ANK1: variants seen among roughly 807,000 people sequenced by gnomAD.
ANK1 encodes ankyrin-1.
In ANK1, 51 loss-of-function variants were observed where a neutral mutation model predicts 210.4. The observed-to-expected ratio is 0.24, with a 90% CI of 0.19 to 0.31. The LOEUF is 0.31. Ranked by LOEUF, ANK1 falls within the 10% of genes least tolerant of loss-of-function variation. ANK1 has a pLI of 1.00. For missense variants in ANK1, 2,051 were observed against 2,504.4 expected (o/e 0.82, Z 3.86); for synonymous variants, 967 against 1,025.9 (o/e 0.94, Z 1.10).
chr8:41,684,776 T>A (rs779149978), intron 36 of ANK1, 86 bp from the exon 37 acceptor site: 2 of 1,521,960 alleles, frequency 1.3e-6, no homozygotes, highest in Non-Finnish European at 1.8e-6. Flanking sequence ...AGGATGAAGA[T>A]GGAGAAAGGA....
At chr8:41,896,589 C>G (rs1820568872) in exon 1 of ANK1, 3 of 1,363,870 alleles carry the variant, frequency 2.2e-6, no homozygotes, top group South Asian at 1.6e-5. Context: ...ACAGAGGGGA[C>G]AGCGTTCGTG....
rs1818862446 is a variant in ANK1 at position 41,690,155 on chromosome 8, C to T, written c.4104+72G>A. The T allele has an allele frequency of 2.5e-6, 4 of 1,607,328 alleles. No homozygotes were observed. The East Asian group carries it at 8.9e-5, about 36-fold the overall frequency. On this transcript the variant is annotated intron_variant, in intron 33 of 42. Transcript: ENST00000289734. The stretch of plus-strand genomic sequence containing the variant: ...AAGAAGCCCCTTGGAAGTGCTGGAC[C>T]TGGGGTCTGTTTGGGGACCTCCTAC...
intron 1 of ANK1, among the ~76,000 whole-genome samples, chr8:41,882,596 C>T (rs971570261): frequency 2.6e-5 from 4 of 152,188 alleles, no homozygotes; most frequent in Admixed American, 1.3e-4. Context: ...CTGAGAATCC[C>T]GAGTCCTTGG....
intron 1 of ANK1, among the ~76,000 whole-genome samples, chr8:41,846,128 G>A (rs1225797053): frequency 1.3e-5 from 2 of 152,220 alleles, no homozygotes; most frequent in Admixed American, 1.3e-4. Flanking sequence ...CAGGGTCTAT[G>A]ATTGGACAAA....
rs548335102 is a variant in ANK1, at chr8:41,743,914, G to A, written c.130-9845C>T. On this transcript the variant is annotated intron_variant, in intron 2 of 42. Coordinates refer to ENST00000289734, the MANE Select transcript of ANK1 (RefSeq NM_000037.4). ...GACAACCCGGAGCAATGGGCTCATCGGGGGCTGGACCCTGGTGTCTAAGTG... is the reference window on the plus strand; with the variant it reads ...GACAACCCGGAGCAATGGGCTCATCAGGGGCTGGACCCTGGTGTCTAAGTG... Among the ~76,000 whole-genome samples the A allele has an allele frequency of 3.7e-3, 562 of 152,252 alleles. 2 individuals are homozygous for A. The highest frequency in any genetic ancestry group is 0.012 in the African/African-American group (513 of 41,540).
intron 1 of ANK1, among the ~76,000 whole-genome samples, chr8:41,889,312 A>G (rs1435345655): frequency 6.6e-6 from 1 of 152,240 alleles, no homozygotes; most frequent in East Asian, 1.9e-4. Flanking sequence ...TTATCAACCT[A>G]TTGGGCGACA....
rs1191635752 is a variant in ANK1, at chr8:41,698,101, G to C, written c.2579C>G (p.Pro860Arg). ...CTCAGGCATGGCACAGGGAATCCTG[G>C]GGATGGCTGGAGATTCCACCCTGCG... ...LDQVVESPAI[P>R]RIPCAMPETV... The change falls in exon 24 of 43, where the codon CCC (proline) becomes CGC (arginine). Residue 860 changes from proline (P) to arginine (R), a missense_variant. Coordinates refer to ENST00000289734, the MANE Select transcript of ANK1 (RefSeq NM_000037.4). 6.2e-7 allele frequency: 1 copy of C among 1,614,052 alleles called. No individual in the cohort carries two copies. The highest frequency in any genetic ancestry group is 1.1e-5 in the South Asian group (1 of 91,082).
intron 1 of ANK1, among the ~76,000 whole-genome samples, chr8:41,760,994 GA>G (rs886894056): frequency 6.6e-6 from 1 of 151,274 alleles, no homozygotes; most frequent in Non-Finnish European, 1.5e-5. Context: ...GACCTTATTT[GA>G]AAAAAAAGTC....
At chr8:41,769,327 C>T (rs1036385708) in intron 1 of ANK1, among the ~76,000 whole-genome samples, 3 of 152,202 alleles carry the variant, frequency 2.0e-5, no homozygotes, top group South Asian at 2.1e-4. Flanking sequence ...TGCTAAAGCC[C>T]AGCTCACCCT....
At chr8:41,741,534 T>C (rs953856810) in intron 2 of ANK1, among the ~76,000 whole-genome samples, 1 of 151,504 alleles carries the variant, frequency 6.6e-6, no homozygotes, top group Non-Finnish European at 1.5e-5. Flanking sequence ...GAGCTATGAT[T>C]GCACCACTGT....
rs757408601 is a variant in ANK1 at position 41,668,320 on chromosome 8, C to T, written c.5341G>A (p.Gly1781Ser). Residue 1781 changes from glycine (G) to serine (S), a missense_variant, in exon 39 of 43, where the codon GGC becomes AGC. Physicochemically the swap from Gly to Ser is moderately conservative, Grantham distance 56. Transcript: ENST00000289734. Reference protein sequence around the residue: ...SQADRDRRQQGQEEQVQEAKN... With the variant: ...SQADRDRRQQSQEEQVQEAKN... ...GCCTCCTGCACCTGCTCTTCTTGGC[C>T]TTGCTGCCTCCGGTCCCTGTCGGCC... The T allele has an allele frequency of 2.3e-5, 37 of 1,614,250 alleles. No individual in the cohort carries two copies. The highest frequency in any genetic ancestry group is 3.1e-5 in the Non-Finnish European group (36 of 1,180,044).
chr8:41,757,131 T>G (rs957486303), intron 2 of ANK1, among the ~76,000 whole-genome samples: 1 of 152,172 alleles, frequency 6.6e-6, no homozygotes, highest in Non-Finnish European at 1.5e-5. Flanking sequence ...TACAGGATAA[T>G]ATGAATGGAC....
intron 1 of ANK1, among the ~76,000 whole-genome samples, chr8:41,892,952 G>C (rs1819727207): frequency 7.3e-6 from 1 of 137,384 alleles, no homozygotes; most frequent in African/African-American, 3.0e-5. Context: ...GGAGAGAGCT[G>C]AGTAAACACT....
chr8:41,715,614 C>A lies in ANK1; in HGVS notation c.1602+38G>T, dbSNP rs761028727. 3.1e-6 allele frequency: 5 copies of A among 1,610,088 alleles called. No individual in the cohort carries two copies. The South Asian group carries it at 3.3e-5, about 11-fold the overall frequency. On this transcript the variant is annotated intron_variant, in intron 14 of 42. Transcript: ENST00000289734. ...CGAGCTCCAGGCCTGGCTGAGTGAG[C>A]CTGTTGCTTCCTTAGACCACGAGGC...
intron 36 of ANK1, among the ~76,000 whole-genome samples, 171 bp from the exon 37 acceptor site, chr8:41,684,861 T>C (rs574574648): frequency 4.1e-4 from 62 of 152,320 alleles, no homozygotes; most frequent in African/African-American, 1.4e-3. Flanking sequence ...GAGAATACTT[T>C]TTACACTTCA....
At chr8:41,777,707 T>C (rs1844386222) in intron 1 of ANK1, among the ~76,000 whole-genome samples, 1 of 152,250 alleles carries the variant, frequency 6.6e-6, no homozygotes, top group African/African-American at 2.4e-5. Context: ...GAAGACCTCA[T>C]TTCTACTCTA....
chr8:41,734,342 C>T (rs911086590), intron 2 of ANK1, among the ~76,000 whole-genome samples: 5 of 152,238 alleles, frequency 3.3e-5, no homozygotes, highest in African/African-American at 7.2e-5. Context: ...TCACAACACC[C>T]ATGGTGACCT....
rs1805151889 is a variant in ANK1 at position 41,654,818 on chromosome 8, A to C, written c.*972T>G. ...GACATAGAAAACCTCTTCTCTATGGACATGCTGGTGCAATCCTGGGTCAGC... is the reference window on the plus strand; with the variant it reads ...GACATAGAAAACCTCTTCTCTATGGCCATGCTGGTGCAATCCTGGGTCAGC... On this transcript the variant is annotated 3_prime_UTR_variant, in exon 43 of 43. Transcript: ENST00000289734. The C allele has an allele frequency of 1.3e-5, 2 of 152,728 alleles. No homozygotes were observed. Among genetic ancestry groups the C allele is most frequent in the African/African-American group, 4.8e-5 (2 of 41,456 alleles). 9.5% of individuals were successfully genotyped at this position (152,728 alleles called of 1,614,324 possible).
intron 35 of ANK1, 113 bp from the exon 36 acceptor site, chr8:41,686,396 C>G: frequency 7.1e-7 from 1 of 1,412,562 alleles, no homozygotes; most frequent in Non-Finnish European, 9.9e-7. Context: ...GTGGGGAGCA[C>G]AGGGAGCTCT....
Sources: gnomAD v4.1 joint callset for allele counts (sites outside exome capture counted in the v4.1 genomes callset) on GRCh38, gnomAD v4.1.1 for gene constraint, MANE v1.5 for transcripts, NCBI Gene and HGNC (gene_info 2026-07-23, HGNC 2026-07-21) for gene names.